FRAS1: variants seen among roughly 807,000 people sequenced by gnomAD.
FRAS1 encodes Fraser extracellular matrix complex subunit 1, also known as extracellular matrix organizing protein FRAS1.
A neutral mutation model predicts 435.2 loss-of-function variants in FRAS1; 290 were observed. That is an observed-to-expected ratio of 0.67 (90% CI 0.61 to 0.73). The LOEUF (loss-of-function observed/expected upper bound fraction) is 0.73. FRAS1 is among the 30% of genes least tolerant of loss of function. FRAS1 has a pLI of 0.00. For synonymous variants in FRAS1, 1,800 were observed against 1,851.0 expected (o/e 0.97, Z 0.71); for missense variants, 4,860 against 5,001.5 (o/e 0.97, Z 0.85).
chr4:78,183,732 T>TGTG (rs1553927606), intron 2 of FRAS1, among the ~76,000 whole-genome samples: 6 of 136,940 alleles, frequency 4.4e-5, no homozygotes, highest in Admixed American at 1.5e-4. Flanking sequence ...TTCATTCTCT[T>TGTG]TGTGTGTGTG....
chr4:78,319,918 G>C (rs988554295), intron 18 of FRAS1, among the ~76,000 whole-genome samples: 2 of 152,214 alleles, frequency 1.3e-5, no homozygotes, highest in African/African-American at 4.8e-5. Context: ...CAGAGGCCCA[G>C]GGCCAGACAC....
intron 18 of FRAS1, among the ~76,000 whole-genome samples, chr4:78,324,445 AGTT>A (rs1729636527): frequency 6.6e-6 from 1 of 151,846 alleles, no homozygotes; most frequent in African/African-American, 2.4e-5. Flanking sequence ...AAATTCTGAC[AGTT>A]GTTTATATAA....
intron 2 of FRAS1, among the ~76,000 whole-genome samples, chr4:78,150,200 C>G (rs561379163): frequency 3.3e-5 from 5 of 152,336 alleles, no homozygotes; most frequent in Admixed American, 6.5e-5. Context: ...AGCCTGCAGA[C>G]TCCCAAAGGA....
At chr4:78,506,310 G>A (rs1411697210) in intron 61 of FRAS1, among the ~76,000 whole-genome samples, 2 of 152,234 alleles carry the variant, frequency 1.3e-5, no homozygotes, top group East Asian at 3.9e-4. Context: ...GTTTAAGTCT[G>A]CAGAAGTTTC....
intron 2 of FRAS1, among the ~76,000 whole-genome samples, chr4:78,087,453 G>T (rs1027914026): frequency 6.6e-6 from 1 of 152,064 alleles, no homozygotes; most frequent in East Asian, 1.9e-4. Context: ...GGAAATAAAG[G>T]GTATTCAATT....
At chr4:78,099,452 C>T (rs1309986875) in intron 2 of FRAS1, among the ~76,000 whole-genome samples, 2 of 152,106 alleles carry the variant, frequency 1.3e-5, no homozygotes, top group East Asian at 3.8e-4. Flanking sequence ...CCTTTTTGGT[C>T]AACCATTTAA....
intron 25 of FRAS1, 135 bp from the exon 26 acceptor site, chr4:78,375,604 T>G: frequency 2.9e-6 from 2 of 681,066 alleles, no homozygotes; most frequent in Non-Finnish European, 4.8e-6. Flanking sequence ...GTAGGGAAAC[T>G]GTCAGTATTC....
intron 2 of FRAS1, among the ~76,000 whole-genome samples, chr4:78,234,319 G>A (rs756673889): frequency 4.4e-4 from 67 of 152,098 alleles, no homozygotes; most frequent in East Asian, 3.9e-3. Context: ...TCCGCCTCCC[G>A]GGTTCACGCC....
intron 49 of FRAS1, 99 bp downstream of exon 49, chr4:78,464,682 C>T (rs1409099832): frequency 3.7e-6 from 5 of 1,342,224 alleles, no homozygotes; most frequent in Non-Finnish European, 5.1e-6. Flanking sequence ...TAGGGAGGAG[C>T]TGTAAGGTGA....
chr4:78,515,832 G>C lies in FRAS1; in HGVS notation c.10208G>C (p.Ser3403Thr), dbSNP rs1560421802. 6.2e-7 allele frequency: 1 copy of C among 1,614,008 alleles called. No homozygotes were observed. Among genetic ancestry groups the C allele is most frequent in the Non-Finnish European group, 8.5e-7 (1 of 1,179,902 alleles). Reference sequence around the variant, plus strand: ...TTCCTGGATGATGTGGTCTATGATAGCACTGCCCTGGGGCCTGGCTACGAT... The same window carrying C: ...TTCCTGGATGATGTGGTCTATGATACCACTGCCCTGGGGCCTGGCTACGAT... ...AGFLDDVVYD[S>T]TALGPGYDRP... Residue 3403 changes from serine (S) to threonine (T), a missense_variant, in exon 66 of 74, where the codon AGC (serine) becomes ACC (threonine). Coordinates refer to ENST00000512123, the MANE Select transcript of FRAS1 (RefSeq NM_025074.7).
In FRAS1 at chr4:78,374,206, T is replaced by C. The variant is rs1488793837; in HGVS notation, c.3106T>C (p.Cys1036Arg). ...LLLEAQCVQE[C>R]GKGYFADHAK... is the part of the protein sequence containing the mutation. ...CTTGGAAGCCCAGTGTGTCCAGGAA[T>C]GTGGGAAGGGGTACTTTGCAGATCA... Residue 1036 changes from cysteine (C) to arginine (R), a missense_variant, in exon 25 of 74, where the codon TGT (cysteine) becomes CGT (arginine). Transcript: ENST00000512123. 3.7e-6 allele frequency: 6 copies of C among 1,604,420 alleles called. No homozygotes were observed. The highest frequency in any genetic ancestry group is 5.1e-6 in the Non-Finnish European group (6 of 1,173,204).
At chr4:78,360,758 T>G (rs1731045357) in intron 20 of FRAS1, among the ~76,000 whole-genome samples, 1 of 152,174 alleles carries the variant, frequency 6.6e-6, no homozygotes, top group Admixed American at 6.5e-5. Context: ...TGGCTCCAGC[T>G]TCCTTTAGAA....
rs191321861 is a variant in FRAS1, at chr4:78,118,905, A to C, written c.108+52889A>C. 4.8e-3 allele frequency among the ~76,000 whole-genome samples: 725 copies of C among 152,272 alleles called. 32 individuals are homozygous for C. Among genetic ancestry groups the C allele is most frequent in the Admixed American group, 0.045 (683 of 15,296 alleles). ...AATGCAGAAATCACCCGTCTTCTGC[A>C]TCACTCACGCTGGGAGCTGTAGACT... is the stretch of plus-strand genomic sequence containing the variant. On this transcript the variant is annotated intron_variant, in intron 2 of 73. Coordinates refer to ENST00000512123, the MANE Select transcript of FRAS1 (RefSeq NM_025074.7).
intron 66 of FRAS1, among the ~76,000 whole-genome samples, chr4:78,517,881 T>C (rs1251616760): frequency 6.6e-6 from 1 of 152,164 alleles, no homozygotes; most frequent in African/African-American, 2.4e-5. Flanking sequence ...GGAGCAGGTG[T>C]ATTTAGCAAA....
Position 78,429,174 on chromosome 4 carries a change from C to G in FRAS1, c.4791C>G (p.Phe1597Leu), listed in dbSNP as rs781401656. Residue 1597 changes from phenylalanine (F) to leucine (L), a missense_variant, in exon 36 of 74, where the codon TTC (phenylalanine) becomes TTG (leucine). Coordinates refer to ENST00000512123, the MANE Select transcript of FRAS1 (RefSeq NM_025074.7). ...LLPSDQQLPVFQVTAPRLAVS... is the reference protein window; with the variant it reads ...LLPSDQQLPVLQVTAPRLAVS... ...CCAGTGATCAGCAACTGCCAGTGTT[C>G]CAGGTCACAGCTCCACGGCTGGCGG... The G allele has an allele frequency of 1.9e-6, 3 of 1,602,326 alleles. No individual in the cohort carries two copies. In the Admixed American group the frequency reaches 5.1e-5, roughly 27 times the overall value.
At chr4:78,398,699 C>T (rs1390631515) in intron 29 of FRAS1, among the ~76,000 whole-genome samples, 3 of 152,110 alleles carry the variant, frequency 2.0e-5, no homozygotes, top group East Asian at 1.9e-4. Flanking sequence ...AGTTAAGAAA[C>T]CTGGGCCGGG....
chr4:78,289,567 G>T (rs890463813), intron 14 of FRAS1, among the ~76,000 whole-genome samples: 3 of 152,064 alleles, frequency 2.0e-5, no homozygotes, highest in African/African-American at 4.8e-5. Flanking sequence ...AGTACCCAAA[G>T]CTCACATTTT....
intron 4 of FRAS1, among the ~76,000 whole-genome samples, chr4:78,250,130 A>G (rs1397946184): frequency 1.3e-5 from 2 of 152,108 alleles, no homozygotes; most frequent in Non-Finnish European, 2.9e-5. Flanking sequence ...TTAAACAATA[A>G]TTTGCTTTCT....
intron 2 of FRAS1, among the ~76,000 whole-genome samples, chr4:78,193,128 G>A (rs892718168): frequency 2.0e-5 from 3 of 152,208 alleles, no homozygotes; most frequent in Non-Finnish European, 4.4e-5. Context: ...TTGCACTGTG[G>A]TCTGAGAGAC....
Sources: allele counts gnomAD v4.1 joint callset (sites outside exome capture counted in the v4.1 genomes callset), GRCh38; gene constraint gnomAD v4.1.1; transcripts MANE v1.5; gene names NCBI Gene and HGNC (gene_info 2026-07-23, HGNC 2026-07-21).